SPOCK1: variants seen among roughly 807,000 people sequenced by gnomAD.
SPOCK1 encodes the protein SPARC (osteonectin), cwcv and kazal like domains proteoglycan 1, also known as testican-1.
A neutral mutation model predicts 55.3 loss-of-function variants in SPOCK1; 23 were observed. The ratio of observed to expected loss-of-function variants is 0.42; its 90% CI spans 0.30 to 0.59. The LOEUF is 0.59. Among genes scored for constraint, SPOCK1 ranks in the 20% least tolerant of loss-of-function variants. The pLI, the probability that SPOCK1 is intolerant of heterozygous loss-of-function variation, is 0.22. For synonymous variants in SPOCK1, 226 were observed against 221.0 expected, an observed-to-expected ratio of 1.02 and a Z score of -0.20; for missense variants, 499 against 552.5, an observed-to-expected ratio of 0.90 and a Z score of 0.97.
intron 2 of SPOCK1, among the ~76,000 whole-genome samples, chr5:137,421,839 TATG>T (rs1447852325): frequency 6.6e-6 from 1 of 152,216 alleles, no homozygotes; most frequent in Non-Finnish European, 1.5e-5. Context: ...ATCCTGTCGT[TATG>T]ATGTTAGCTG....
chr5:137,479,525 G>T (rs1208554091), intron 2 of SPOCK1, among the ~76,000 whole-genome samples: 1 of 152,192 alleles, frequency 6.6e-6, no homozygotes, highest in East Asian at 1.9e-4. Context: ...ACCTTTAACT[G>T]GCCCATTGAT....
At chr5:137,183,085 C>G (rs1755000825) in intron 3 of SPOCK1, among the ~76,000 whole-genome samples, 1 of 152,182 alleles carries the variant, frequency 6.6e-6, no homozygotes, top group Non-Finnish European at 1.5e-5. Flanking sequence ...ACAGGTAACT[C>G]CACATGCAAA....
chr5:137,161,308 A>G (rs1449177147), intron 3 of SPOCK1, among the ~76,000 whole-genome samples: 1 of 151,760 alleles, frequency 6.6e-6, no homozygotes, highest in Non-Finnish European at 1.5e-5. Context: ...CCATATATAT[A>G]TATGGGATAT....
At chr5:137,175,927 C>T (rs1754843175) in intron 3 of SPOCK1, among the ~76,000 whole-genome samples, 1 of 152,126 alleles carries the variant, frequency 6.6e-6, no homozygotes, top group Admixed American at 6.6e-5. Flanking sequence ...GTTCAAATTT[C>T]ACAATAAAAA....
intron 2 of SPOCK1, among the ~76,000 whole-genome samples, chr5:137,431,359 C>T (rs1752739706): frequency 6.6e-6 from 1 of 152,190 alleles, no homozygotes; most frequent in Non-Finnish European, 1.5e-5. Context: ...CTGCGTGGGG[C>T]TGGACAAGTT....
At chr5:136,983,984 C>T (rs1042501916) in intron 9 of SPOCK1, among the ~76,000 whole-genome samples, 1 of 152,158 alleles carries the variant, frequency 6.6e-6, no homozygotes, top group Non-Finnish European at 1.5e-5. Context: ...TCTACAACTA[C>T]CTGCAGATCA....
In SPOCK1 at chr5:137,408,246, T is replaced by C. The variant is rs541461002; in HGVS notation, c.186+90127A>G. Reference sequence around the variant, plus strand: ...TGTTCCTGACACTCCCCATATATTATAGAAGACAGAAGAGGCTAGGTGTCC... The same window carrying C: ...TGTTCCTGACACTCCCCATATATTACAGAAGACAGAAGAGGCTAGGTGTCC... On this transcript the variant is annotated intron_variant, in intron 2 of 10. Coordinates refer to ENST00000394945, the MANE Select transcript of SPOCK1 (RefSeq NM_004598.4). Among the ~76,000 whole-genome samples the C allele has an allele frequency of 8.5e-5, 13 of 152,298 alleles. No homozygotes were observed. The East Asian group carries it at 1.7e-3, about 20-fold the overall frequency.
intron 5 of SPOCK1, among the ~76,000 whole-genome samples, chr5:137,072,052 T>C (rs1176903016): frequency 6.6e-6 from 1 of 152,216 alleles, no homozygotes; most frequent in African/African-American, 2.4e-5. Flanking sequence ...CTTAGGTTTA[T>C]AAAGCACAGA....
chr5:137,309,561 CTA>C (rs1046169389), intron 2 of SPOCK1, among the ~76,000 whole-genome samples: 2 of 152,186 alleles, frequency 1.3e-5, no homozygotes, highest in African/African-American at 4.8e-5. Flanking sequence ...TAAACACATC[CTA>C]TGTGTCTGAT....
chr5:137,235,311 G>A (rs546930416), intron 3 of SPOCK1, among the ~76,000 whole-genome samples: 1 of 152,310 alleles, frequency 6.6e-6, no homozygotes, highest in African/African-American at 2.4e-5. Context: ...AAGGTAAAAG[G>A]GTGTTTATGT....
intron 5 of SPOCK1, among the ~76,000 whole-genome samples, chr5:137,094,669 A>T (rs897910376): frequency 6.6e-6 from 1 of 152,200 alleles, no homozygotes; most frequent in African/African-American, 2.4e-5. Context: ...CTGCTGACTG[A>T]TAAGGGTGGT....
In SPOCK1 at chr5:137,453,769, C is replaced by G. The variant is rs187718140; in HGVS notation, c.186+44604G>C. On this transcript the variant is annotated intron_variant, in intron 2 of 10. Coordinates refer to ENST00000394945, the MANE Select transcript of SPOCK1 (RefSeq NM_004598.4). Reference sequence around the variant, plus strand: ...TAGTGATGCAATTTAAGGGGTAGAGCGAGACATGATCAAGGTGTCCTTGTG... The same window carrying G: ...TAGTGATGCAATTTAAGGGGTAGAGGGAGACATGATCAAGGTGTCCTTGTG... 3.3e-3 allele frequency among the ~76,000 whole-genome samples: 507 copies of G among 152,210 alleles called. 2 individuals carry two copies. The highest frequency in any genetic ancestry group is 5.0e-3 in the Admixed American group (76 of 15,284).
intron 6 of SPOCK1, among the ~76,000 whole-genome samples, chr5:137,046,560 G>A (rs1431294799): frequency 7.4e-6 from 1 of 134,810 alleles, no homozygotes; most frequent in Non-Finnish European, 1.6e-5. Context: ...GGGTTTTCTA[G>A]ATAAACAATC....
intron 2 of SPOCK1, among the ~76,000 whole-genome samples, chr5:137,493,802 C>G (rs899903426): frequency 8.5e-5 from 13 of 152,162 alleles, no homozygotes; most frequent in African/African-American, 2.7e-4. Context: ...GCCATACCAC[C>G]TCTTTTGTCA....
chr5:137,487,768 G>A (rs1275734978), intron 2 of SPOCK1, among the ~76,000 whole-genome samples: 1 of 152,124 alleles, frequency 6.6e-6, no homozygotes, highest in African/African-American at 2.4e-5. Context: ...AAGCATCCCT[G>A]GGCCCTGGCA....
Position 137,151,381 on chromosome 5 carries a change from C to T in SPOCK1, c.233-10687G>A, listed in dbSNP as rs375973529. Among the ~76,000 whole-genome samples the T allele has an allele frequency of 2.4e-4, 37 of 152,256 alleles. 1 individual carries two copies. The South Asian group carries it at 6.4e-3, about 26-fold the overall frequency. The stretch of plus-strand genomic sequence containing the variant: ...ACTTGTATAGAAGAGACTTCAAGAA[C>T]GTACGTCTCACAGTGGATTCTGCCC... On this transcript the variant is annotated intron_variant, in intron 3 of 10. Coordinates refer to ENST00000394945, the MANE Select transcript of SPOCK1 (RefSeq NM_004598.4).
At chr5:137,346,145 CT>C (rs1262153651) in intron 2 of SPOCK1, among the ~76,000 whole-genome samples, 1 of 152,170 alleles carries the variant, frequency 6.6e-6, no homozygotes, top group African/African-American at 2.4e-5. Context: ...CTCAACTCTC[CT>C]TTCTCCTGCA....
rs1350087857 is a variant in SPOCK1, at chr5:137,456,456, CTAACTA to C, written c.186+41911_186+41916del. ...TGTGCCCTTTATAACTTCTAATTCT[CTAACTA>C]TATTAAATGCTAAAGAATCTTGGTA... On this transcript the variant is annotated intron_variant, in intron 2 of 10. Transcript: ENST00000394945. Among the ~76,000 whole-genome samples, 4 of 152,302 alleles carry C rather than the reference CTAACTA, an allele frequency of 2.6e-5. No individual in the cohort carries two copies. In the East Asian group the frequency reaches 7.7e-4, roughly 29 times the overall value.
intron 4 of SPOCK1, among the ~76,000 whole-genome samples, chr5:137,125,076 A>G (rs1005260798): frequency 1.3e-5 from 2 of 152,210 alleles, no homozygotes; most frequent in Non-Finnish European, 2.9e-5. Flanking sequence ...CCCTCATGGT[A>G]TTAATAGCAC....
Sources: allele counts gnomAD v4.1 joint callset (sites outside exome capture counted in the v4.1 genomes callset), GRCh38; gene constraint gnomAD v4.1.1; transcripts MANE v1.5; gene names NCBI Gene and HGNC (gene_info 2026-07-23, HGNC 2026-07-21).